PCDHA4: variants seen among roughly 807,000 people sequenced by gnomAD.
The protein encoded by PCDHA4 is protocadherin alpha 4, also known as protocadherin alpha-4.
In PCDHA4, 49 loss-of-function variants were observed where a neutral mutation model predicts 61.4. That is an observed-to-expected ratio of 0.80 (90% CI 0.63 to 1.01). The LOEUF (loss-of-function observed/expected upper bound fraction) is 1.01. Among genes scored for constraint, PCDHA4 ranks in the 50% least tolerant of loss-of-function variants. The pLI is 0.00. For synonymous variants in PCDHA4, 590 were observed against 550.3 expected (o/e 1.07, Z -1.01); for missense variants, 1,254 against 1,235.8 (o/e 1.01, Z -0.22).
Position 140,831,077 on chromosome 5 carries a change from G to A in PCDHA4, c.2385+21505G>A, listed in dbSNP as rs2150191421. The A allele has an allele frequency of 5.9e-5, 9 of 152,244 alleles. No individual in the cohort carries two copies. The South Asian group carries it at 8.3e-4, about 14-fold the overall frequency. The allele number at this position is 152,244 out of a possible 1,614,324, so 9.4% of individuals were successfully genotyped here. ...ATTGTCCCCCTTTTAAACCATTGAG[G>A]AATAAAGGACAAAAACAATAGTTAT... On this transcript the variant is annotated intron_variant, in intron 1 of 3. Coordinates refer to ENST00000530339, the MANE Select transcript of PCDHA4 (RefSeq NM_018907.4).
At chr5:140,927,076 C>T (rs142317713) in intron 1 of PCDHA4, 7 of 1,611,008 alleles carry the variant, frequency 4.3e-6, no homozygotes, top group Non-Finnish European at 5.1e-6. Context: ...TTCCAGCCAC[C>T]GCGAGCTCTA....
chr5:140,824,500 A>C, intron 1 of PCDHA4: 1 of 320,040 alleles, frequency 3.1e-6, no homozygotes, highest in Non-Finnish European at 5.7e-6. Flanking sequence ...TTTGTTGCTT[A>C]GTCTGCAGTG....
intron 1 of PCDHA4, among the ~76,000 whole-genome samples, chr5:140,913,412 T>G (rs2076324998): frequency 6.6e-6 from 1 of 152,222 alleles, no homozygotes; most frequent in African/African-American, 2.4e-5. Context: ...TTTGAATTCC[T>G]GCAGTATCAG....
chr5:140,912,164 CT>C (rs1281307479), intron 1 of PCDHA4, among the ~76,000 whole-genome samples: 1 of 152,158 alleles, frequency 6.6e-6, no homozygotes, highest in Non-Finnish European at 1.5e-5. Flanking sequence ...TTTATTCTGG[CT>C]GTGCTGGCAG....
At chr5:141,005,562 C>T (rs928721111) in intron 3 of PCDHA4, among the ~76,000 whole-genome samples, 2 of 151,226 alleles carry the variant, frequency 1.3e-5, no homozygotes, top group Admixed American at 6.6e-5. Flanking sequence ...ATTAGCCGGG[C>T]ATGGTGGCGC....
chr5:140,862,553 C>T (rs561370771), intron 1 of PCDHA4: 12 of 463,418 alleles, frequency 2.6e-5, no homozygotes, highest in Non-Finnish European at 4.4e-5. Context: ...AGTGGCCGAA[C>T]AGTGAACCAC....
intron 1 of PCDHA4, among the ~76,000 whole-genome samples, chr5:140,819,228 T>C (rs183436055): frequency 2.0e-5 from 3 of 152,310 alleles, no homozygotes; most frequent in South Asian, 2.1e-4. Context: ...TGCTTCAACA[T>C]TTCCTCTTCT....
chr5:141,000,417 ATATATTTTTTT>A (rs2097924314), intron 3 of PCDHA4, among the ~76,000 whole-genome samples: 12 of 77,748 alleles, frequency 1.5e-4, no homozygotes, highest in Non-Finnish European at 2.3e-4. Flanking sequence ...ATATATATAT[ATATATTTTTTT>A]TTTTTTTTTT....
At chr5:140,937,770 G>C (rs1353635012) in intron 1 of PCDHA4, among the ~76,000 whole-genome samples, 3 of 151,876 alleles carry the variant, frequency 2.0e-5, no homozygotes, top group Non-Finnish European at 4.4e-5. Flanking sequence ...AAATTAGTCG[G>C]GCGTGGTGGC....
intron 3 of PCDHA4, among the ~76,000 whole-genome samples, chr5:140,990,733 A>G (rs2097410113): frequency 6.6e-6 from 1 of 152,198 alleles, no homozygotes; most frequent in Admixed American, 6.5e-5. Flanking sequence ...GTATATCAAC[A>G]GCCCTAGGGT....
intron 1 of PCDHA4, among the ~76,000 whole-genome samples, chr5:140,826,115 C>T (rs888924864): frequency 6.6e-6 from 1 of 152,076 alleles, no homozygotes; most frequent in South Asian, 2.1e-4. Flanking sequence ...TTTATATATT[C>T]CTAATATCCT....
chr5:140,982,507 G>C lies in PCDHA4; in HGVS notation c.2477G>C (p.Arg826Pro). 6.2e-7 allele frequency: 1 copy of C among 1,614,138 alleles called. No homozygotes were observed. ...CACCTAGAGGAGGCTGGCATTCTAC[G>C]GGCTGGTCCAGGAGGGCCTGATCAG... ...SVHLEEAGIL[R>P]AGPGGPDQQW... is the part of the protein sequence containing the mutation. The change falls in exon 3 of 4, where the codon CGG becomes CCG. Residue 826 changes from arginine to proline, a missense_variant. Coordinates refer to ENST00000530339, the MANE Select transcript of PCDHA4 (RefSeq NM_018907.4).
chr5:140,933,388 G>A lies in PCDHA4; in HGVS notation c.2386-45561G>A, dbSNP rs142801424. On this transcript the variant is annotated intron_variant, in intron 1 of 3. Transcript: ENST00000530339. Reference sequence around the variant, plus strand: ...CCCAAATTCCTTGGCTGTTCCTAGAGCCATCTGGTTACCATCTACAGATAT... The same window carrying A: ...CCCAAATTCCTTGGCTGTTCCTAGAACCATCTGGTTACCATCTACAGATAT... Among the ~76,000 whole-genome samples the A allele has an allele frequency of 5.4e-3, 828 of 152,024 alleles. 4 individuals carry two copies. The highest frequency in any genetic ancestry group is 0.019 in the African/African-American group (797 of 41,508).
chr5:140,912,101 A>G (rs781989328), intron 1 of PCDHA4, among the ~76,000 whole-genome samples: 2 of 152,194 alleles, frequency 1.3e-5, no homozygotes, highest in Non-Finnish European at 2.9e-5. Context: ...CAGGAGAAAG[A>G]TGTAGGCTGG....
intron 1 of PCDHA4, among the ~76,000 whole-genome samples, chr5:140,891,266 T>G (rs1301781810): frequency 1.3e-5 from 2 of 152,188 alleles, no homozygotes; most frequent in Non-Finnish European, 2.9e-5. Context: ...ATTTTTAATT[T>G]TTCCGTAAGT....
At chr5:140,850,606 T>G (rs2150490821) in intron 1 of PCDHA4, 6 of 1,598,534 alleles carry the variant, frequency 3.8e-6, no homozygotes, top group Non-Finnish European at 5.1e-6. Flanking sequence ...ATCATCGCCA[T>G]CTGCGCGGTG....
rs2150162425 is a variant in PCDHA4, at chr5:140,829,084, G to A, written c.2385+19512G>A. On this transcript the variant is annotated intron_variant, in intron 1 of 3. Transcript: ENST00000530339. The stretch of plus-strand genomic sequence containing the variant: ...CGGACAAAGGCCATCCTCCCATGGC[G>A]GGTCATTGCACCGTTTTAGTGAGAA... The A allele has an allele frequency of 3.1e-5, 50 of 1,611,088 alleles. No individual in the cohort carries two copies. The Admixed American group carries it at 5.2e-4, about 17-fold the overall frequency.
intron 1 of PCDHA4, among the ~76,000 whole-genome samples, chr5:140,957,373 T>C (rs906109440): frequency 6.6e-5 from 10 of 152,310 alleles, no homozygotes; most frequent in African/African-American, 2.2e-4. Context: ...ACTTTTATTA[T>C]AGTGTATTGT....
At chr5:141,005,939 C>A (rs1183397075) in intron 3 of PCDHA4, among the ~76,000 whole-genome samples, 2 of 151,786 alleles carry the variant, frequency 1.3e-5, no homozygotes, top group Non-Finnish European at 2.9e-5. Flanking sequence ...AGAGTGAGAA[C>A]CTATCTCTAA....
Sources: gnomAD v4.1 joint callset for allele counts (sites outside exome capture counted in the v4.1 genomes callset) on GRCh38, gnomAD v4.1.1 for gene constraint, MANE v1.5 for transcripts, NCBI Gene and HGNC (gene_info 2026-07-23, HGNC 2026-07-21) for gene names.